The following ACTR3C variants were observed in gnomAD, a reference collection of about 807,000 sequenced individuals.
The protein encoded by ACTR3C is actin-related protein 3C.
A neutral mutation model predicts 26.3 loss-of-function variants in ACTR3C; 18 were observed. That is an observed-to-expected ratio of 0.68 (90% CI 0.47 to 1.01). The LOEUF is 1.01. ACTR3C is among the 50% of genes least tolerant of loss of function. The pLI is 0.00. For missense variants in ACTR3C, 184 were observed against 250.7 expected, an observed-to-expected ratio of 0.73 and a Z score of 1.80; for synonymous variants, 55 against 94.5, an observed-to-expected ratio of 0.58 and a Z score of 2.42.
chr7:150,029,426 A>ACC, the ACTR3C span, among the ~76,000 whole-genome samples: 1 of 129,600 alleles, frequency 7.7e-6, no homozygotes, highest in African/African-American at 3.0e-5. Context: ...AACAAACAAA[A>ACC]AAAAACCATG....
chr7:150,218,965 T>C, the ACTR3C span, among the ~76,000 whole-genome samples: 1 of 151,860 alleles, frequency 6.6e-6, no homozygotes, highest in African/African-American at 2.4e-5. Context: ...ACTCAAATCA[T>C]AGTGAGAACA....
the ACTR3C span, among the ~76,000 whole-genome samples, chr7:150,037,056 CA>C: frequency 2.7e-5 from 3 of 112,330 alleles, no homozygotes; most frequent in Admixed American, 8.1e-5. Context: ...TCTCAGTCCC[CA>C]CCCTCGCGGG....
chr7:149,949,335 C>G, the ACTR3C span, among the ~76,000 whole-genome samples: 1 of 145,100 alleles, frequency 6.9e-6, no homozygotes, highest in South Asian at 2.1e-4. Flanking sequence ...GAGATTGCAC[C>G]ATTGCACTCC....
downstream of ACTR3C, chr7:150,244,567 A>G (rs1328497828): frequency 6.6e-6 from 1 of 152,142 alleles, no homozygotes; most frequent in African/African-American, 2.4e-5. Flanking sequence ...AAATAATGAA[A>G]ATAAAAGGAT....
chr7:150,273,481 G>A (rs1834608964), intron 6 of ACTR3C, among the ~76,000 whole-genome samples: 2 of 151,456 alleles, frequency 1.3e-5, no homozygotes, highest in Admixed American at 6.6e-5. Flanking sequence ...TGTTGCCCAG[G>A]CTGGTCTCAA....
intron 6 of ACTR3C, among the ~76,000 whole-genome samples, chr7:150,279,611 G>A (rs909161739): frequency 2.0e-5 from 3 of 151,852 alleles, no homozygotes; most frequent in Admixed American, 6.6e-5. Flanking sequence ...GTAGGCTCTG[G>A]CCAAAACAGG....
At chr7:150,003,416 T>C in the ACTR3C span, among the ~76,000 whole-genome samples, 1 of 151,652 alleles carries the variant, frequency 6.6e-6, no homozygotes, top group African/African-American at 2.4e-5. Flanking sequence ...AAGTGTGGCA[T>C]GTAGTGTGTT....
the ACTR3C span, among the ~76,000 whole-genome samples, chr7:150,226,862 A>G: frequency 1.3e-5 from 2 of 152,180 alleles, no homozygotes; most frequent in Non-Finnish European, 2.9e-5. Flanking sequence ...TTGATTTTAT[A>G]TTGGAGTTGT....
At chr7:150,087,287 A>C in the ACTR3C span, among the ~76,000 whole-genome samples, 73 of 152,182 alleles carry the variant, frequency 4.8e-4, no homozygotes, top group African/African-American at 1.7e-3. Context: ...TCTCCCCATA[A>C]AAATTTAAAC....
chr7:149,916,013 A>G, the ACTR3C span, among the ~76,000 whole-genome samples: 1 of 148,480 alleles, frequency 6.7e-6, no homozygotes, highest in Non-Finnish European at 1.5e-5. Context: ...TGAAAACAGT[A>G]TATATTTATA....
chr7:149,957,684 C>G, the ACTR3C span, among the ~76,000 whole-genome samples: 1 of 151,844 alleles, frequency 6.6e-6, no homozygotes, highest in South Asian at 2.1e-4. Flanking sequence ...CAGCTTCCCC[C>G]ATTCTATAGC....
intron 6 of ACTR3C, among the ~76,000 whole-genome samples, chr7:150,281,134 A>T (rs1425325664): frequency 1.4e-4 from 21 of 152,180 alleles, no homozygotes; most frequent in South Asian, 4.1e-4. Context: ...TCCTGGAGAG[A>T]GGGCGTCTTA....
chr7:149,950,304 G>A, the ACTR3C span, among the ~76,000 whole-genome samples: 43 of 143,346 alleles, frequency 3.0e-4, 1 homozygote, highest in East Asian at 7.7e-3. Flanking sequence ...CAAGCCTGCA[G>A]GGAGCACCTG....
At chr7:150,265,198 G>A (rs2530957) in intron 6 of ACTR3C, among the ~76,000 whole-genome samples, 9,493 of 151,218 alleles carry the variant, frequency 0.063, 840 homozygotes, top group African/African-American at 0.2. Context: ...GAAATGGTAA[G>A]TGACCATTAC....
the ACTR3C span, among the ~76,000 whole-genome samples, chr7:150,083,126 C>CT: frequency 4.7e-5 from 7 of 150,370 alleles, no homozygotes; most frequent in South Asian, 1.5e-3. Context: ...TTTGAATTTT[C>CT]TTTTTTTGTA....
the ACTR3C span, among the ~76,000 whole-genome samples, chr7:150,020,479 C>G: frequency 6.6e-6 from 1 of 152,038 alleles, no homozygotes; most frequent in African/African-American, 2.4e-5. Context: ...ATTTATTAAG[C>G]ACTGGAGACT....
At chr7:150,320,027 TTGAG>T (rs1206489133) in intron 1 of ACTR3C, among the ~76,000 whole-genome samples, 2 of 152,248 alleles carry the variant, frequency 1.3e-5, no homozygotes, top group Non-Finnish European at 2.9e-5. Context: ...TTGCCCTCTT[TTGAG>T]TAAGAAACTC....
At chr7:150,266,916 G>T (rs1172353180) in intron 6 of ACTR3C, among the ~76,000 whole-genome samples, 3 of 152,224 alleles carry the variant, frequency 2.0e-5, no homozygotes, top group African/African-American at 7.2e-5. Context: ...GTACACTGTT[G>T]GTGGGAGGGT....
intron 6 of ACTR3C, chr7:150,264,572 T>C (rs1403546825): frequency 1.0e-6 from 1 of 978,254 alleles, no homozygotes; most frequent in Non-Finnish European, 1.2e-6. Context: ...TTATAATGTA[T>C]ATTACCCAGC....
Sources: allele counts gnomAD v4.1 joint callset (sites outside exome capture counted in the v4.1 genomes callset), GRCh38; gene constraint gnomAD v4.1.1; transcripts MANE v1.5; gene names NCBI Gene and HGNC (gene_info 2026-07-23, HGNC 2026-07-21).